Variants in ANO5 observed in about 807,000 individuals in gnomAD.
The protein encoded by ANO5 is anoctamin-5.
A neutral mutation model predicts 121.0 loss-of-function variants in ANO5; 109 were observed. The ratio of observed to expected loss-of-function variants is 0.90; its 90% CI spans 0.77 to 1.06. ANO5 has a LOEUF of 1.06. Ranked by LOEUF, ANO5 falls within the 50% of genes least tolerant of loss-of-function variation. The pLI, the probability that ANO5 is intolerant of heterozygous loss-of-function variation, is 0.00. For synonymous variants in ANO5, 406 were observed against 359.9 expected (o/e 1.13, Z -1.45); for missense variants, 1,064 against 1,078.5 (o/e 0.99, Z 0.19).
intron 4 of ANO5, among the ~76,000 whole-genome samples, 198 bp downstream of exon 4, chr11:22,218,485 T>G (rs557742806): frequency 6.6e-6 from 1 of 152,218 alleles, no homozygotes; most frequent in East Asian, 1.9e-4. Context: ...CTTCCTAAAA[T>G]GTATGCACAT....
chr11:22,275,756 G>T (rs1854816252), intron 20 of ANO5, among the ~76,000 whole-genome samples: 1 of 151,846 alleles, frequency 6.6e-6, no homozygotes, highest in Non-Finnish European at 1.5e-5. Flanking sequence ...TTAAGGATAG[G>T]AGAGAAGGAA....
chr11:22,211,658 G>A (rs1171914905), intron 3 of ANO5, among the ~76,000 whole-genome samples: 1 of 151,858 alleles, frequency 6.6e-6, no homozygotes, highest in Admixed American at 6.6e-5. Flanking sequence ...GGCTTACTTA[G>A]TTCAGTATTC....
intron 18 of ANO5, among the ~76,000 whole-genome samples, chr11:22,271,861 T>G (rs889772655): frequency 2.0e-5 from 3 of 152,156 alleles, no homozygotes; most frequent in Non-Finnish European, 4.4e-5. Flanking sequence ...TAATACTTCC[T>G]CTTCATTTTC....
At chr11:22,262,076 G>T in intron 15 of ANO5, 53 bp from the exon 16 acceptor site, 1 of 1,581,264 alleles carries the variant, frequency 6.3e-7, no homozygotes, top group Non-Finnish European at 8.7e-7. Flanking sequence ...GGAGTACGAA[G>T]TTCAAGGAAA....
chr11:22,247,516 T>C (rs1590278737), intron 9 of ANO5, among the ~76,000 whole-genome samples: 1 of 152,068 alleles, frequency 6.6e-6, no homozygotes, highest in South Asian at 2.1e-4. Flanking sequence ...AGACTATGAA[T>C]TAGAAAAAAT....
intron 5 of ANO5, 113 bp from the exon 6 acceptor site, chr11:22,225,871 G>T: frequency 1.3e-6 from 1 of 752,116 alleles, no homozygotes; most frequent in Non-Finnish European, 2.3e-6. Context: ...ATACAACCAT[G>T]GGAGGGGCAG....
chr11:22,264,024 C>CTTTTTT (rs71034583), intron 17 of ANO5, among the ~76,000 whole-genome samples: 4 of 128,118 alleles, frequency 3.1e-5, no homozygotes, highest in African/African-American at 9.4e-5. Flanking sequence ...ATAGCCAAAC[C>CTTTTTT]TTTTTTTTTT....
intron 13 of ANO5, among the ~76,000 whole-genome samples, chr11:22,256,415 T>C (rs2133725536): frequency 6.6e-6 from 1 of 152,334 alleles, no homozygotes. Flanking sequence ...TTACTAAATT[T>C]CATTGAAAGA....
rs1852360204 is a variant in ANO5, at chr11:22,213,891, T to TTTTG, written c.138+2580_138+2581insGTTT. Among the ~76,000 whole-genome samples the TTTTG allele has an allele frequency of 6.1e-5, 9 of 148,488 alleles. No homozygotes were observed. The South Asian group carries it at 1.7e-3, about 28-fold the overall frequency. On this transcript the variant is annotated intron_variant, in intron 3 of 21. Coordinates refer to ENST00000324559, the MANE Select transcript of ANO5 (RefSeq NM_213599.3). ...TTGGCTATTGGAAGTGGTGTTTTGT[T>TTTTG]TTTTGTTTTGTTTTGTTTTGTTTTG...
rs1855030865 is a variant in ANO5, at chr11:22,280,199, A to G, written c.*434A>G. On this transcript the variant is annotated 3_prime_UTR_variant, in exon 22 of 22. Transcript: ENST00000324559. ...GTTGGGGCAAAAAGAAATGGATCAA[A>G]GAGACTGACTGAGCCCTATATATCC... 1 of 183,050 alleles carries G rather than the reference A, an allele frequency of 5.5e-6. No individual in the cohort carries two copies. Among genetic ancestry groups the G allele is most frequent in the Non-Finnish European group, 1.1e-5 (1 of 87,130 alleles). The allele number at this position is 183,050 out of a possible 1,614,324, so 11.3% of individuals were successfully genotyped here. A position where few individuals can be genotyped will look rare whatever the true frequency, so the allele number is the denominator to read the frequency against.
At chr11:22,195,009 CA>C (rs1851762584) in intron 1 of ANO5, among the ~76,000 whole-genome samples, 1 of 152,108 alleles carries the variant, frequency 6.6e-6, no homozygotes, top group Admixed American at 6.5e-5. Context: ...AAGAAACTGC[CA>C]AACTGTTTTC....
At chr11:22,272,337 C>CACAA (rs1854651187) in intron 18 of ANO5, among the ~76,000 whole-genome samples, 1 of 150,520 alleles carries the variant, frequency 6.6e-6, no homozygotes. Context: ...CACACACACA[C>CACAA]ACACACACAG....
chr11:22,274,179 CACACACACACACA>C (rs1854742784), intron 19 of ANO5, among the ~76,000 whole-genome samples: 2 of 151,670 alleles, frequency 1.3e-5, no homozygotes, highest in Admixed American at 6.6e-5. Flanking sequence ...CACACACACA[CACACACACACACA>C]CCCGCAGTCC....
intron 3 of ANO5, among the ~76,000 whole-genome samples, chr11:22,211,997 T>A (rs1359522574): frequency 1.8e-4 from 1 of 5,630 alleles, no homozygotes; most frequent in African/African-American, 4.2e-3. Flanking sequence ...TATTTTTACT[T>A]TTTTTTTTTT....
At chr11:22,245,774 T>A (rs1853595634) in intron 9 of ANO5, among the ~76,000 whole-genome samples, 1 of 152,192 alleles carries the variant, frequency 6.6e-6, no homozygotes, top group Non-Finnish European at 1.5e-5. Context: ...TGTAGACACC[T>A]TTCTGCAGTG....
intron 12 of ANO5, among the ~76,000 whole-genome samples, chr11:22,252,148 C>T (rs1350405399): frequency 1.4e-5 from 2 of 147,276 alleles, no homozygotes; most frequent in Non-Finnish European, 3.0e-5. Flanking sequence ...TCTCTCATTT[C>T]TGCTTGGCTG....
Position 22,272,763 on chromosome 11 carries a change from G to A in ANO5, c.2030-21G>A, listed in dbSNP as rs574225766. 9.4e-6 allele frequency: 15 copies of A among 1,603,898 alleles called. No individual in the cohort carries two copies. The South Asian group carries it at 1.7e-4, about 18-fold the overall frequency. On this transcript the variant is annotated intron_variant, in intron 18 of 21. Coordinates refer to ENST00000324559, the MANE Select transcript of ANO5 (RefSeq NM_213599.3). ...TTCTCCTTCACAATAATGAGTTCAT[G>A]CCTTTTTCTTTTCTCTACAGTTACT...
Position 22,279,887 on chromosome 11 carries a change from T to C in ANO5, c.*122T>C. 1 of 899,028 alleles carries C rather than the reference T, an allele frequency of 1.1e-6. No homozygotes were observed. The highest frequency in any genetic ancestry group is 1.7e-6 in the Non-Finnish European group (1 of 596,390). 55.7% of individuals were successfully genotyped at this position (899,028 alleles called of 1,614,324 possible). A position where few individuals can be genotyped will look rare whatever the true frequency, so the allele number is the denominator to read the frequency against. On this transcript the variant is annotated 3_prime_UTR_variant, in exon 22 of 22. Coordinates refer to ENST00000324559, the MANE Select transcript of ANO5 (RefSeq NM_213599.3). ...TTCTTTTTTTTTTTTTTCTTTTTTT[T>C]TTTAAACTCAAAGTTTTTATACACT...
chr11:22,272,915 G>C lies in ANO5; in HGVS notation c.2161G>C (p.Ala721Pro). The C allele has an allele frequency of 6.2e-7, 1 of 1,614,072 alleles. No individual in the cohort carries two copies. The highest frequency in any genetic ancestry group is 8.5e-7 in the Non-Finnish European group (1 of 1,180,016). The change falls in exon 19 of 22, where the codon GCT becomes CCT. Residue 721 changes from alanine (A) to proline (P), a missense_variant. By Grantham distance (27) the Ala-to-Pro change is conservative. Transcript: ENST00000324559. ...KLTTQYRRTVASKAHSIGVWQ... is the reference protein window; with the variant it reads ...KLTTQYRRTVPSKAHSIGVWQ... ...TACCACTCAATACAGGAGAACTGTA[G>C]CTTCTAAAGCTCATAGCATAGGTGT...
Sources: allele counts gnomAD v4.1 joint callset (sites outside exome capture counted in the v4.1 genomes callset), GRCh38; gene constraint gnomAD v4.1.1; transcripts MANE v1.5; gene names NCBI Gene and HGNC (gene_info 2026-07-23, HGNC 2026-07-21).